CHD2: variants seen among roughly 807,000 people sequenced by gnomAD.
CHD2 encodes ATP-dependent chromatin remodeler CHD2.
In CHD2, 28 loss-of-function variants were observed where a neutral mutation model predicts 243.9. The ratio of observed to expected loss-of-function variants is 0.11; its 90% CI spans 0.09 to 0.16. The LOEUF (loss-of-function observed/expected upper bound fraction) is 0.16, where lower values mean the gene tolerates loss of function less well. CHD2 is among the 10% of genes least tolerant of loss of function. CHD2 has a pLI of 1.00. For missense variants in CHD2, 1,386 were observed against 2,209.8 expected, an observed-to-expected ratio of 0.63 and a Z score of 7.47; for synonymous variants, 775 against 779.0, an observed-to-expected ratio of 0.99 and a Z score of 0.09.
rs1470330798 is a variant in CHD2, at chr15:92,956,343, T to C, written c.1810-116T>C. 8.1e-6 allele frequency: 6 copies of C among 744,452 alleles called. 1 individual carries two copies. The highest frequency in any genetic ancestry group is 5.1e-5 in the South Asian group (3 of 58,616). The allele number at this position is 744,452 out of a possible 1,614,324, so 46.1% of individuals were successfully genotyped here. The stretch of plus-strand genomic sequence containing the variant: ...CCTAATATATATTGTCAGTGAAGAA[T>C]AAATGTGTCAATTTATACCTTTGTA... On this transcript the variant is annotated intron_variant, in intron 15 of 38. Transcript: ENST00000394196.
At chr15:93,018,847 A>G (rs532585146) in intron 37 of CHD2, among the ~76,000 whole-genome samples, 1 of 152,314 alleles carries the variant, frequency 6.6e-6, no homozygotes, top group East Asian at 1.9e-4. Context: ...TTGTAGCCCA[A>G]CCTAAATTCA....
chr15:92,923,682 C>G (rs1357130883), intron 2 of CHD2, among the ~76,000 whole-genome samples: 1 of 151,326 alleles, frequency 6.6e-6, no homozygotes, highest in Non-Finnish European at 1.5e-5. Flanking sequence ...CCTTCTGCCT[C>G]AGTCTCCCGA....
intron 37 of CHD2, 147 bp from the exon 38 acceptor site, chr15:93,019,864 TG>T: frequency 1.1e-6 from 1 of 941,622 alleles, no homozygotes; most frequent in Non-Finnish European, 1.5e-6. Context: ...ACCCAAGAGA[TG>T]GAGATTGCAG....
At chr15:92,981,059 T>C (rs2053973561) in intron 23 of CHD2, 148 bp downstream of exon 23, 1 of 664,384 alleles carries the variant, frequency 1.5e-6, no homozygotes, top group South Asian at 1.8e-5. Flanking sequence ...AGGAATCTCA[T>C]AGCTCTTACC....
chr15:92,913,787 G>A lies in CHD2; in HGVS notation c.63-10534G>A, dbSNP rs184025741. On this transcript the variant is annotated intron_variant, in intron 2 of 38. Transcript: ENST00000394196. ...GGATTGCTTGAGTCCAAGAGCTTGC[G>A]GCTGCAGTGAGCTGTGATCACATTA... Among the ~76,000 whole-genome samples, 209 of 152,258 alleles carry A rather than the reference G, an allele frequency of 1.4e-3. 1 individual carries two copies. The highest frequency in any genetic ancestry group is 2.3e-3 in the Non-Finnish European group (157 of 68,032).
At chr15:92,925,689 T>A (rs1438034847) in intron 3 of CHD2, among the ~76,000 whole-genome samples, 2 of 152,182 alleles carry the variant, frequency 1.3e-5, no homozygotes, top group Non-Finnish European at 2.9e-5. Context: ...TTCAGAGTGT[T>A]TTATGTTTAC....
At chr15:92,945,696 A>ATT (rs113903945) in intron 10 of CHD2, 125 bp from the exon 11 acceptor site, 386 of 473,854 alleles carry the variant, frequency 8.1e-4, no homozygotes, top group South Asian at 1.4e-3. Context: ...CTATAATCCC[A>ATT]TTTTTTTTTT....
Position 92,997,463 on chromosome 15 carries a change from C to T in CHD2, c.3885+60C>T, listed in dbSNP as rs547024033. The stretch of plus-strand genomic sequence containing the variant: ...GATTTGTTGTGTAATATTTTTATAT[C>T]GATTACTTATTTCTAACTATTTTCG... On this transcript the variant is annotated intron_variant, in intron 30 of 38. Coordinates refer to ENST00000394196, the MANE Select transcript of CHD2 (RefSeq NM_001271.4). The surrounding 1 kb of genome is among the most constrained non-coding windows in gnomAD (Gnocchi z 4.1). 97 of 1,415,830 alleles carry T rather than the reference C, an allele frequency of 6.9e-5. No individual in the cohort carries two copies. The highest frequency in any genetic ancestry group is 1.9e-4 in the East Asian group (8 of 41,094). 87.7% of individuals were successfully genotyped at this position (1,415,830 alleles called of 1,614,324 possible).
chr15:92,955,739 C>T (rs777447671), intron 15 of CHD2, among the ~76,000 whole-genome samples: 25 of 152,094 alleles, frequency 1.6e-4, no homozygotes, highest in Admixed American at 1.3e-3. Context: ...AGGATATTAA[C>T]GTTATAAATA....
intron 2 of CHD2, among the ~76,000 whole-genome samples, chr15:92,920,344 T>C (rs34266454): frequency 0.16 from 24,869 of 152,194 alleles, 2,837 homozygotes; most frequent in Non-Finnish European, 0.25. Context: ...TTGCAACTTA[T>C]TGATTAAGTG....
At chr15:93,003,724 C>T (rs551205606) in intron 33 of CHD2, among the ~76,000 whole-genome samples, 3 of 152,210 alleles carry the variant, frequency 2.0e-5, no homozygotes, top group African/African-American at 7.2e-5. Flanking sequence ...ATAACCACTA[C>T]TGTGAAGTGG....
intron 37 of CHD2, among the ~76,000 whole-genome samples, chr15:93,016,629 G>C (rs1313727864): frequency 2.0e-5 from 3 of 151,876 alleles, no homozygotes; most frequent in South Asian, 2.1e-4. Flanking sequence ...CTCTACAAAA[G>C]TGTGAAAATT....
chr15:92,993,007 A>C lies in CHD2; in HGVS notation c.3595+9A>C. 1 of 1,612,918 alleles carries C rather than the reference A, an allele frequency of 6.2e-7. No individual in the cohort carries two copies. Among genetic ancestry groups the C allele is most frequent in the Non-Finnish European group, 8.5e-7 (1 of 1,179,934 alleles). On this transcript the variant is annotated intron_variant, in intron 28 of 38. Transcript: ENST00000394196. ...AGAAAATGCCAGCGAGGGTAAGCGA[A>C]GTTGGCTTTAGTGAGTCTTCGCAAC...
chr15:92,989,179 C>T (rs899786336), intron 26 of CHD2, among the ~76,000 whole-genome samples: 1 of 151,744 alleles, frequency 6.6e-6, no homozygotes, highest in Non-Finnish European at 1.5e-5. Flanking sequence ...TTACAGGTGC[C>T]CACCACAATG....
At chr15:92,973,956 A>G (rs533505773) in intron 19 of CHD2, 3 of 152,210 alleles carry the variant, frequency 2.0e-5, no homozygotes, top group Non-Finnish European at 4.4e-5. Flanking sequence ...CTCACCTGTC[A>G]GTTGACTTGA....
At chr15:92,907,173 A>C (rs192523153) in intron 2 of CHD2, among the ~76,000 whole-genome samples, 1 of 152,330 alleles carries the variant, frequency 6.6e-6, no homozygotes, top group Non-Finnish European at 1.5e-5. Flanking sequence ...TATACTGAAT[A>C]TATTTGAGCC....
intron 37 of CHD2, 127 bp from the exon 38 acceptor site, chr15:93,019,885 A>G: frequency 1.8e-6 from 2 of 1,113,360 alleles, no homozygotes; most frequent in Non-Finnish European, 2.5e-6. Context: ...GTGATCTAAG[A>G]TCGTGCCACT....
intron 5 of CHD2, 93 bp downstream of exon 5, chr15:92,929,184 A>G (rs958337374): frequency 8.4e-7 from 1 of 1,194,334 alleles, no homozygotes; most frequent in Non-Finnish European, 1.2e-6. Flanking sequence ...AGTCTACTCC[A>G]GGTCCCTTAG....
At chr15:92,926,865 A>G (rs1473264428) in intron 3 of CHD2, among the ~76,000 whole-genome samples, 2 of 152,226 alleles carry the variant, frequency 1.3e-5, no homozygotes, top group African/African-American at 4.8e-5. Context: ...TTTCAGTTTC[A>G]CAGGTGTGGG....
Sources: gnomAD v4.1 joint callset for allele counts (sites outside exome capture counted in the v4.1 genomes callset) on GRCh38, gnomAD v4.1.1 for gene constraint, Gnocchi (gnomAD v3.1) non-coding constraint, MANE v1.5 for transcripts, NCBI Gene and HGNC (gene_info 2026-07-23, HGNC 2026-07-21) for gene names.